The following ERBB4 variants were observed in gnomAD, a reference collection of about 807,000 sequenced individuals.
ERBB4 encodes erb-b2 receptor tyrosine kinase 4.
ERBB4 carries 42 observed loss-of-function variants against 158.0 expected under a neutral mutation model. The observed-to-expected ratio is 0.27, with a 90% CI of 0.21 to 0.34. The LOEUF is 0.34. ERBB4 is among the 10% of genes least tolerant of loss of function. The probability of loss-of-function intolerance (pLI) is 1.00; values close to 1 mark genes in which losing one functional copy is unlikely to be tolerated. For missense variants in ERBB4, 1,333 were observed against 1,624.1 expected (o/e 0.82, Z 3.08); for synonymous variants, 583 against 558.7 (o/e 1.04, Z -0.61).
intron 2 of ERBB4, among the ~76,000 whole-genome samples, chr2:212,082,071 T>C (rs772516146): frequency 1.3e-5 from 2 of 152,104 alleles, no homozygotes; most frequent in Non-Finnish European, 2.9e-5. Context: ...CTTTCATATT[T>C]ATGAAATAAT....
intron 1 of ERBB4, among the ~76,000 whole-genome samples, chr2:212,414,849 AGTT>A (rs758788653): frequency 3.7e-4 from 57 of 152,190 alleles, no homozygotes; most frequent in Non-Finnish European, 6.5e-4. Flanking sequence ...CTAATGATGT[AGTT>A]GTTGTCACAA....
At chr2:211,436,028 C>A (rs926621681) in intron 20 of ERBB4, among the ~76,000 whole-genome samples, 2 of 151,978 alleles carry the variant, frequency 1.3e-5, no homozygotes, top group Non-Finnish European at 2.9e-5. Flanking sequence ...ATGATCAGGG[C>A]TCACTGCAGC....
At chr2:211,894,452 C>A (rs1183575429) in intron 3 of ERBB4, among the ~76,000 whole-genome samples, 3 of 145,586 alleles carry the variant, frequency 2.1e-5, no homozygotes, top group Non-Finnish European at 4.5e-5. Flanking sequence ...GGGAGATATA[C>A]CTAATGCTAG....
chr2:211,443,234 G>A (rs1403671400), intron 20 of ERBB4, among the ~76,000 whole-genome samples: 2 of 151,864 alleles, frequency 1.3e-5, no homozygotes, highest in African/African-American at 4.8e-5. Flanking sequence ...AGAGGAAAAG[G>A]TATAATAAAT....
chr2:212,492,177 A>C (rs1224652202), intron 1 of ERBB4, among the ~76,000 whole-genome samples: 1 of 151,506 alleles, frequency 6.6e-6, no homozygotes, highest in Non-Finnish European at 1.5e-5. Flanking sequence ...ATGAAATTGG[A>C]TAGGATGTTG....
intron 25 of ERBB4, among the ~76,000 whole-genome samples, chr2:211,389,522 G>T (rs1821656): frequency 0.7 from 106,654 of 152,014 alleles, 37,950 homozygotes; most frequent in African/African-American, 0.82. Context: ...CTATAGTGAG[G>T]TTATATCTTA....
intron 1 of ERBB4, among the ~76,000 whole-genome samples, chr2:212,509,537 A>G (rs1691388675): frequency 6.6e-6 from 1 of 152,012 alleles, no homozygotes; most frequent in Non-Finnish European, 1.5e-5. Context: ...TACATCATGC[A>G]TTGTTACTAT....
intron 1 of ERBB4, among the ~76,000 whole-genome samples, chr2:212,309,172 A>G (rs1168322271): frequency 2.0e-5 from 3 of 150,962 alleles, no homozygotes; most frequent in Non-Finnish European, 4.5e-5. Context: ...AACTATTTAA[A>G]TATCTTGATA....
intron 9 of ERBB4, among the ~76,000 whole-genome samples, chr2:211,709,236 T>TGTATATATATATATACACAC (rs2073576313): frequency 1.1e-5 from 1 of 87,250 alleles, no homozygotes; most frequent in Admixed American, 1.3e-4. Flanking sequence ...CGTGTGTGTG[T>TGTATATATATATATACACAC]ATATATATAT....
At chr2:212,170,635 C>T (rs2081486927) in intron 1 of ERBB4, among the ~76,000 whole-genome samples, 1 of 152,124 alleles carries the variant, frequency 6.6e-6, no homozygotes, top group South Asian at 2.1e-4. Flanking sequence ...ACTTGGGTGC[C>T]TGTCTTGGGA....
At chr2:212,205,154 CAGAT>C (rs1186235770) in intron 1 of ERBB4, among the ~76,000 whole-genome samples, 3 of 151,870 alleles carry the variant, frequency 2.0e-5, no homozygotes, top group Non-Finnish European at 4.4e-5. Flanking sequence ...GACAGACAGA[CAGAT>C]AGACAGATTT....
chr2:211,518,001 C>T (rs191023866), intron 20 of ERBB4, among the ~76,000 whole-genome samples: 1 of 152,074 alleles, frequency 6.6e-6, no homozygotes, highest in Non-Finnish European at 1.5e-5. Context: ...TCTTATTGTA[C>T]AAGTGTAATT....
At chr2:211,394,788 T>C (rs1189643308) in intron 25 of ERBB4, among the ~76,000 whole-genome samples, 3 of 152,058 alleles carry the variant, frequency 2.0e-5, no homozygotes, top group Non-Finnish European at 4.4e-5. Flanking sequence ...ATGCAAACAA[T>C]GCACTGGATC....
chr2:211,584,010 A>C (rs2068186435), intron 19 of ERBB4, among the ~76,000 whole-genome samples: 1 of 147,732 alleles, frequency 6.8e-6, no homozygotes, highest in South Asian at 2.2e-4. Flanking sequence ...GTATTATGAC[A>C]GGTGAGATAG....
intron 3 of ERBB4, among the ~76,000 whole-genome samples, chr2:211,864,061 G>A (rs1382685391): frequency 6.6e-6 from 1 of 152,156 alleles, no homozygotes; most frequent in East Asian, 1.9e-4. Flanking sequence ...AGGCCTGCCT[G>A]TGTTCTCACA....
chr2:211,657,804 G>A lies in ERBB4; in HGVS notation c.1896C>T (p.Asp632=), dbSNP rs1202790141. 1 of 1,613,970 alleles carries A rather than the reference G, an allele frequency of 6.2e-7. No homozygotes were observed. Among genetic ancestry groups the A allele is most frequent in the Middle Eastern group, 1.6e-4 (1 of 6,062 alleles). Residue 632 remains aspartate (D), a synonymous_variant, in exon 16 of 28, where the codon GAC becomes GAT. Coordinates refer to ENST00000342788, the MANE Select transcript of ERBB4 (RefSeq NM_005235.3). ...GGCCCGTCCATGGGTAGTAAATGCAGTCATGACTAGTGGGACCGTTACACC... is the reference window on the plus strand; with the variant it reads ...GGCCCGTCCATGGGTAGTAAATGCAATCATGACTAGTGGGACCGTTACACC... ...TQGCNGPTSH[D]CIYYPWTGHS...
At chr2:211,443,441 A>ATTGT (rs1284175447) in intron 20 of ERBB4, among the ~76,000 whole-genome samples, 1 of 152,054 alleles carries the variant, frequency 6.6e-6, no homozygotes, top group Non-Finnish European at 1.5e-5. Flanking sequence ...TTTTCCCACA[A>ATTGT]TTGTTAGGAA....
chr2:212,239,934 C>A (rs34901392), intron 1 of ERBB4, among the ~76,000 whole-genome samples: 5,806 of 152,180 alleles, frequency 0.038, 147 homozygotes, highest in South Asian at 0.075. Context: ...CAAACTAATA[C>A]ACAAAGAAGT....
intron 2 of ERBB4, among the ~76,000 whole-genome samples, chr2:212,071,596 C>T (rs913572591): frequency 1.3e-5 from 2 of 151,864 alleles, no homozygotes; most frequent in Admixed American, 6.6e-5. Context: ...TGCATTAAAG[C>T]GTGTAGTTTT....
Sources: gnomAD v4.1 joint callset for allele counts (sites outside exome capture counted in the v4.1 genomes callset) on GRCh38, gnomAD v4.1.1 for gene constraint, MANE v1.5 for transcripts, NCBI Gene and HGNC (gene_info 2026-07-23, HGNC 2026-07-21) for gene names.